Variants in VAMP7 observed in about 807,000 individuals in gnomAD.
The protein encoded by VAMP7 is vesicle-associated membrane protein 7.
A neutral mutation model predicts 29.6 loss-of-function variants in VAMP7; 14 were observed. That is an observed-to-expected ratio of 0.47 (90% confidence interval 0.31 to 0.74). VAMP7 has a LOEUF of 0.74. Ranked by LOEUF, VAMP7 falls within the 30% of genes least tolerant of loss-of-function variation. The probability of loss-of-function intolerance (pLI) is 0.05; values close to 1 mark genes in which losing one functional copy is unlikely to be tolerated. For missense variants in VAMP7, 223 were observed against 262.4 expected, an observed-to-expected ratio of 0.85 and a Z score of 1.04; for synonymous variants, 95 against 88.1, an observed-to-expected ratio of 1.08 and a Z score of -0.44.
chrX:155,932,022 G>A lies in VAMP7; in HGVS notation c.502-7679G>A, dbSNP rs1171502681. On this transcript the variant is annotated intron_variant, in intron 6 of 7. Coordinates refer to ENST00000286448, the MANE Select transcript of VAMP7 (RefSeq NM_005638.6). ...TGTCAAAGATGACATGGTTGTAGAT[G>A]TGTGGTATTACTTCTGAGGGCTCTG... Among the ~76,000 whole-genome samples the A allele has an allele frequency of 1.3e-3, 202 of 152,144 alleles. 7 individuals carry two copies. In the South Asian group the frequency reaches 0.042, roughly 32 times the overall value.
In VAMP7 at chrX:155,889,516, A is replaced by G. The variant is rs776611068; in HGVS notation, c.50A>G (p.Lys17Arg). The change falls in exon 2 of 8, where the codon AAA becomes AGA. Residue 17 changes from lysine (K) to arginine (R), a missense_variant. Coordinates refer to ENST00000286448, the MANE Select transcript of VAMP7 (RefSeq NM_005638.6). ...VVARGTTILA[K>R]HAWCGGNFLE... Reference sequence around the variant, plus strand: ...GCCAGGGGGACCACTATCCTTGCCAAACATGCTTGGTGTGGAGGAAACTTC... The same window carrying G: ...GCCAGGGGGACCACTATCCTTGCCAGACATGCTTGGTGTGGAGGAAACTTC... 2 of 1,613,890 alleles carry G rather than the reference A, an allele frequency of 1.2e-6. No homozygotes were observed. Among genetic ancestry groups the G allele is most frequent in the South Asian group, 1.1e-5 (1 of 91,058 alleles).
intron 5 of VAMP7, among the ~76,000 whole-genome samples, chrX:155,913,628 G>T (rs2124326486): frequency 6.6e-6 from 1 of 152,232 alleles, no homozygotes; most frequent in Admixed American, 6.5e-5. Context: ...ATTAAATAGG[G>T]AATCCTTTCC....
At chrX:155,924,753 A>G (rs1329352606) in intron 6 of VAMP7, among the ~76,000 whole-genome samples, 1 of 152,182 alleles carries the variant, frequency 6.6e-6, no homozygotes, top group Admixed American at 6.5e-5. Flanking sequence ...AAATAAGACA[A>G]CAGTGAAGTT....
intron 6 of VAMP7, among the ~76,000 whole-genome samples, chrX:155,924,100 T>C (rs1247571035): frequency 7.2e-5 from 11 of 152,174 alleles, no homozygotes; most frequent in Non-Finnish European, 1.6e-4. Context: ...GTTTTTTATT[T>C]GCCGCATCCC....
intron 5 of VAMP7, among the ~76,000 whole-genome samples, chrX:155,908,943 C>T (rs995163207): frequency 2.0e-5 from 3 of 152,010 alleles, no homozygotes; most frequent in African/African-American, 7.2e-5. Context: ...CCTCAGCCTC[C>T]CAAGCAGCTG....
intron 5 of VAMP7, among the ~76,000 whole-genome samples, chrX:155,917,913 C>A (rs2066336158): frequency 6.6e-6 from 1 of 152,154 alleles, no homozygotes; most frequent in Admixed American, 6.5e-5. Flanking sequence ...CCACAGCCAC[C>A]CCTTCCCCCA....
intron 5 of VAMP7, among the ~76,000 whole-genome samples, chrX:155,906,034 A>G (rs1446401186): frequency 2.4e-5 from 1 of 41,360 alleles, no homozygotes; most frequent in East Asian, 7.3e-4. Context: ...CTTTCTTTCT[A>G]TTCATTTAGG....
At chrX:155,891,243 T>A (rs1444699347) in intron 2 of VAMP7, among the ~76,000 whole-genome samples, 2 of 152,158 alleles carry the variant, frequency 1.3e-5, no homozygotes, top group Admixed American at 1.3e-4. Context: ...CTGGAGGAAG[T>A]TATAGGATAT....
chrX:155,892,603 C>T (rs1405014177), intron 2 of VAMP7, among the ~76,000 whole-genome samples: 1 of 152,132 alleles, frequency 6.6e-6, no homozygotes, highest in Non-Finnish European at 1.5e-5. Flanking sequence ...AAAAATCTCA[C>T]TTTGTGTGCC....
intron 5 of VAMP7, among the ~76,000 whole-genome samples, chrX:155,909,879 T>C (rs1352685067): frequency 6.6e-6 from 1 of 152,138 alleles, no homozygotes; most frequent in African/African-American, 2.4e-5. Context: ...ATGCAAAGAC[T>C]GTGTAATGAT....
At position 155,942,079 on chromosome X, in the gene VAMP7, T is replaced by G; in HGVS notation, c.*128T>G. 1 of 1,569,886 alleles carries G rather than the reference T, an allele frequency of 6.4e-7. No homozygotes were observed. The highest frequency in any genetic ancestry group is 8.6e-7 in the Non-Finnish European group (1 of 1,156,326). ...TCTCTTCAACCCTCTTCTCACTTTTTAAAATCTTGTTCCATGCCTCCAGGT... is the reference window on the plus strand; with the variant it reads ...TCTCTTCAACCCTCTTCTCACTTTTGAAAATCTTGTTCCATGCCTCCAGGT... On this transcript the variant is annotated 3_prime_UTR_variant, in exon 8 of 8. Transcript: ENST00000286448.
chrX:155,921,476 A>C (rs2066395337), intron 6 of VAMP7, among the ~76,000 whole-genome samples: 1 of 152,056 alleles, frequency 6.6e-6, no homozygotes, highest in Admixed American at 6.6e-5. Flanking sequence ...CTGTTCTTAA[A>C]ATTTATTTGT....
intron 5 of VAMP7, among the ~76,000 whole-genome samples, chrX:155,909,839 AT>A (rs2124313037): frequency 6.6e-6 from 1 of 152,106 alleles, no homozygotes; most frequent in African/African-American, 2.4e-5. Context: ...ATTTGTACAC[AT>A]TTATGGGGTA....
intron 5 of VAMP7, among the ~76,000 whole-genome samples, chrX:155,908,323 G>A (rs1306141597): frequency 2.0e-4 from 31 of 152,240 alleles, no homozygotes; most frequent in Admixed American, 1.5e-3. Context: ...TCGGGAGGCC[G>A]AGGCTGGCGG....
intron 5 of VAMP7, among the ~76,000 whole-genome samples, chrX:155,903,383 C>A (rs2124287995): frequency 6.6e-6 from 1 of 152,190 alleles, no homozygotes; most frequent in South Asian, 2.1e-4. Flanking sequence ...AGAGCTTCTG[C>A]ACAGCAAAAG....
In VAMP7 at chrX:155,942,395, A is replaced by G. The variant is rs749318766; in HGVS notation, c.*444A>G. On this transcript the variant is annotated 3_prime_UTR_variant, in exon 8 of 8. Coordinates refer to ENST00000286448, the MANE Select transcript of VAMP7 (RefSeq NM_005638.6). Reference sequence around the variant, plus strand: ...TTATTGAGAAGTTTTAGGTGCTTCAAAACAATATAAATGGATAATAGTTGT... The same window carrying G: ...TTATTGAGAAGTTTTAGGTGCTTCAGAACAATATAAATGGATAATAGTTGT... The G allele has an allele frequency of 1.4e-4, 69 of 493,168 alleles. 1 individual carries two copies. In the South Asian group the frequency reaches 2.4e-3, roughly 17 times the overall value. The allele number at this position is 493,168 out of a possible 1,614,324, so 30.5% of individuals were successfully genotyped here. A position where few individuals can be genotyped will look rare whatever the true frequency, so the allele number is the denominator to read the frequency against.
intron 7 of VAMP7, among the ~76,000 whole-genome samples, chrX:155,940,966 G>A (rs916746396): frequency 2.0e-5 from 3 of 152,032 alleles, no homozygotes; most frequent in African/African-American, 7.2e-5. Context: ...CCTTTTCCAA[G>A]CTTGCAAATA....
chrX:155,906,912 A>G (rs1037536690), intron 5 of VAMP7, among the ~76,000 whole-genome samples: 1 of 152,274 alleles, frequency 6.6e-6, no homozygotes, highest in African/African-American at 2.4e-5. Context: ...ATCTTGAAGA[A>G]TCTTCCACAA....
rs1358017182 is a variant in VAMP7 at position 155,941,905 on chromosome X, C to T, written c.617C>T (p.Ser206Leu). 1 of 1,613,594 alleles carries T rather than the reference C, an allele frequency of 6.2e-7. No individual in the cohort carries two copies. Among genetic ancestry groups the T allele is most frequent in the African/African-American group, 1.3e-5 (1 of 74,876 alleles). ...CAGGTGTTCATCTATATCATTGTTT[C>T]ACCTCTCTGTGGTGGATTTACATGG... is the stretch of plus-strand genomic sequence containing the variant. ...VSIVFIYIIV[S>L]PLCGGFTWPS... Residue 206 changes from serine to leucine, a missense_variant, in exon 8 of 8, where the codon TCA becomes TTA. Coordinates refer to ENST00000286448, the MANE Select transcript of VAMP7 (RefSeq NM_005638.6).
Sources: allele counts gnomAD v4.1 joint callset (sites outside exome capture counted in the v4.1 genomes callset), GRCh38; gene constraint gnomAD v4.1.1; transcripts MANE v1.5; gene names NCBI Gene and HGNC (gene_info 2026-07-23, HGNC 2026-07-21).